The following MAML2 variants were observed in gnomAD, a reference collection of about 807,000 sequenced individuals.
The protein encoded by MAML2 is mastermind like transcriptional coactivator 2.
In MAML2, 22 loss-of-function variants were observed where a neutral mutation model predicts 96.1. The ratio of observed to expected loss-of-function variants is 0.23; its 90% CI spans 0.16 to 0.33. The LOEUF (loss-of-function observed/expected upper bound fraction) is 0.33. Among genes scored for constraint, MAML2 ranks in the 10% least tolerant of loss-of-function variants. The probability of loss-of-function intolerance (pLI) is 1.00; values close to 1 mark genes in which losing one functional copy is unlikely to be tolerated. For missense variants in MAML2, 1,367 were observed against 1,392.4 expected (o/e 0.98, Z 0.29); for synonymous variants, 561 against 521.3 (o/e 1.08, Z -1.04).
At chr11:95,993,138 G>A (rs908439872) in intron 2 of MAML2, among the ~76,000 whole-genome samples, 1 of 151,082 alleles carries the variant, frequency 6.6e-6, no homozygotes, top group African/African-American at 2.4e-5. Flanking sequence ...TCAAAGTCAA[G>A]GGCTCAAGTG....
At chr11:96,133,513 G>A (rs887877207) in intron 1 of MAML2, among the ~76,000 whole-genome samples, 2 of 152,100 alleles carry the variant, frequency 1.3e-5, no homozygotes, top group African/African-American at 2.4e-5. Context: ...TGAAAGACCT[G>A]TGTGAACATT....
rs543334137 is a variant in MAML2, at chr11:96,137,311, C to G, written c.514-43794G>C. On this transcript the variant is annotated intron_variant, in intron 1 of 4. Transcript: ENST00000524717. Reference sequence around the variant, plus strand: ...AATGAGGAGGCTTTAAAAATAGACACCACTGTTTTTGGCCTTTGTTTAAAA... The same window carrying G: ...AATGAGGAGGCTTTAAAAATAGACAGCACTGTTTTTGGCCTTTGTTTAAAA... Among the ~76,000 whole-genome samples, 209 of 152,306 alleles carry G rather than the reference C, an allele frequency of 1.4e-3. 2 individuals are homozygous for G. The highest frequency in any genetic ancestry group is 2.2e-3 in the Non-Finnish European group (153 of 68,014).
At chr11:96,035,371 T>A (rs771410037) in intron 2 of MAML2, among the ~76,000 whole-genome samples, 4 of 152,244 alleles carry the variant, frequency 2.6e-5, no homozygotes, top group Non-Finnish European at 4.4e-5. Flanking sequence ...CCCATTATTT[T>A]CTCACAGCAC....
At chr11:96,081,343 C>A (rs1213506528) in intron 2 of MAML2, among the ~76,000 whole-genome samples, 1 of 151,328 alleles carries the variant, frequency 6.6e-6, no homozygotes, top group Non-Finnish European at 1.5e-5. Context: ...TTTTATAATG[C>A]AGCTTAAAAA....
At chr11:96,201,773 G>T (rs532833597) in intron 1 of MAML2, among the ~76,000 whole-genome samples, 61 of 150,752 alleles carry the variant, frequency 4.0e-4, no homozygotes, top group Non-Finnish European at 7.5e-4. Flanking sequence ...CAAAAAATTA[G>T]CCCAGCGTGG....
At position 95,991,697 on chromosome 11, in the gene MAML2, G is replaced by T; in HGVS notation, c.2166C>A (p.Asn722Lys). Residue 722 changes from asparagine to lysine, a missense_variant, in exon 3 of 5, where the codon AAC (asparagine) becomes AAA (lysine). Transcript: ENST00000524717. ...RQDQHSVVGQ[N>K]TGPSPSPNPC... is the part of the protein sequence containing the mutation. ...GGTTAGGACTTGGACTGGGGCCTGTGTTCTGGCCTACCACAGAGTGTTGAT... is the reference window on the plus strand; with the variant it reads ...GGTTAGGACTTGGACTGGGGCCTGTTTTCTGGCCTACCACAGAGTGTTGAT... 6.2e-7 allele frequency: 1 copy of T among 1,613,586 alleles called. No homozygotes were observed.
At chr11:95,991,358 T>C (rs1239055376) in intron 3 of MAML2, among the ~76,000 whole-genome samples, 162 bp downstream of exon 3, 2 of 152,090 alleles carry the variant, frequency 1.3e-5, no homozygotes, top group African/African-American at 2.4e-5. Flanking sequence ...GGGTTTTTTT[T>C]TCTTCCTGCA....
At chr11:96,179,945 C>T (rs71475383) in intron 1 of MAML2, among the ~76,000 whole-genome samples, 1 of 152,214 alleles carries the variant, frequency 6.6e-6, no homozygotes, top group Non-Finnish European at 1.5e-5. Flanking sequence ...GGGCTCCAGA[C>T]AGGACCATCA....
At chr11:96,063,096 G>A (rs1173318803) in intron 2 of MAML2, among the ~76,000 whole-genome samples, 3 of 908 alleles carry the variant, frequency 3.3e-3, no homozygotes, top group African/African-American at 3.9e-3. Flanking sequence ...TGGCACTTTG[G>A]TGATTTTTCT....
Position 95,991,672 on chromosome 11 carries a change from G to A in MAML2, c.2191C>T (p.Pro731Ser), listed in dbSNP as rs760657015. ...QNTGPSPSPN[P>S]CSNPNTGSGY... ...CTTCCAGTGTTTGGATTTGAGCAGG[G>A]GTTAGGACTTGGACTGGGGCCTGTG... Residue 731 changes from proline to serine, a missense_variant, in exon 3 of 5, where the codon CCC becomes TCC. By Grantham distance (74) the Pro-to-Ser change is moderately conservative (BLOSUM62 -1). Transcript: ENST00000524717. 9.3e-6 allele frequency: 15 copies of A among 1,613,692 alleles called. No individual in the cohort carries two copies. The Admixed American group carries it at 1.5e-4, about 16-fold the overall frequency.
At chr11:96,033,564 G>A (rs982959079) in intron 2 of MAML2, among the ~76,000 whole-genome samples, 1 of 152,224 alleles carries the variant, frequency 6.6e-6, no homozygotes, top group African/African-American at 2.4e-5. Flanking sequence ...TTGACGCACT[G>A]TAAATGCTCA....
chr11:96,198,306 T>G (rs1861760325), intron 1 of MAML2, among the ~76,000 whole-genome samples: 1 of 152,194 alleles, frequency 6.6e-6, no homozygotes, highest in Admixed American at 6.5e-5. Flanking sequence ...ACGTGTTGCC[T>G]GAAGTTAGGC....
At chr11:96,242,030 G>A (rs481169) in intron 1 of MAML2, among the ~76,000 whole-genome samples, 141,301 of 152,274 alleles carry the variant, frequency 0.93, 65,738 homozygotes, top group African/African-American at 0.98. Flanking sequence ...AAGTGTGATT[G>A]GAGCAGAAAG....
chr11:95,981,894 C>A (rs1175130216), intron 4 of MAML2, among the ~76,000 whole-genome samples: 1 of 151,912 alleles, frequency 6.6e-6, no homozygotes, highest in African/African-American at 2.4e-5. Context: ...AATGATATGG[C>A]CTGAGAAGGT....
At chr11:96,304,328 T>G (rs1477020442) in intron 1 of MAML2, among the ~76,000 whole-genome samples, 1 of 152,198 alleles carries the variant, frequency 6.6e-6, no homozygotes, top group South Asian at 2.1e-4. Flanking sequence ...AAAGGGTTGA[T>G]GAGGAAGCTT....
rs185892834 is a variant in MAML2 at position 96,150,040 on chromosome 11, C to T, written c.514-56523G>A. 2.3e-3 allele frequency among the ~76,000 whole-genome samples: 343 copies of T among 152,308 alleles called. 3 individuals are homozygous for T. Among genetic ancestry groups the T allele is most frequent in the African/African-American group, 7.8e-3 (325 of 41,558 alleles). On this transcript the variant is annotated intron_variant, in intron 1 of 4. Coordinates refer to ENST00000524717, the MANE Select transcript of MAML2 (RefSeq NM_032427.4). The stretch of plus-strand genomic sequence containing the variant: ...CTTCTAACTACTTGTTGGATATCTT[C>T]GCCTGAATATTCTACCCCTCAAATT...
rs374767257 is a variant in MAML2, at chr11:96,135,369, A to G, written c.514-41852T>C. Reference sequence around the variant, plus strand: ...TCAGGTATTCTGTTATAGCAACACAAAACGGACTAAGACAATACATTATCT... The same window carrying G: ...TCAGGTATTCTGTTATAGCAACACAGAACGGACTAAGACAATACATTATCT... On this transcript the variant is annotated intron_variant, in intron 1 of 4. Coordinates refer to ENST00000524717, the MANE Select transcript of MAML2 (RefSeq NM_032427.4). Among the ~76,000 whole-genome samples, 18 of 152,276 alleles carry G rather than the reference A, an allele frequency of 1.2e-4. No homozygotes were observed. In the East Asian group the frequency reaches 2.9e-3, roughly 25 times the overall value.
At chr11:96,262,321 C>T (rs1191355266) in intron 1 of MAML2, among the ~76,000 whole-genome samples, 3 of 152,038 alleles carry the variant, frequency 2.0e-5, no homozygotes, top group South Asian at 2.1e-4. Context: ...TTAATTTGAC[C>T]CTCAGTTAGC....
rs566298449 is a variant in MAML2, at chr11:96,099,678, A to G, written c.514-6161T>C. Among the ~76,000 whole-genome samples, 9 of 152,316 alleles carry G rather than the reference A, an allele frequency of 5.9e-5. No individual in the cohort carries two copies. The East Asian group carries it at 1.7e-3, about 29-fold the overall frequency. On this transcript the variant is annotated intron_variant, in intron 1 of 4. Coordinates refer to ENST00000524717, the MANE Select transcript of MAML2 (RefSeq NM_032427.4). Reference sequence around the variant, plus strand: ...AACTATTGAGTGGGAGCAGTAAAACAATGCTAAAAAGGAGGTTGTGGGTTG... The same window carrying G: ...AACTATTGAGTGGGAGCAGTAAAACGATGCTAAAAAGGAGGTTGTGGGTTG...
Sources: gnomAD v4.1 joint callset for allele counts (sites outside exome capture counted in the v4.1 genomes callset) on GRCh38, gnomAD v4.1.1 for gene constraint, MANE v1.5 for transcripts, NCBI Gene and HGNC (gene_info 2026-07-23, HGNC 2026-07-21) for gene names.